Variants in IGBP1 observed in about 807,000 individuals in gnomAD.
IGBP1 encodes the protein immunoglobulin binding protein 1, also known as immunoglobulin-binding protein 1.
Under a neutral mutation model 25.9 loss-of-function variants are expected in IGBP1, and 2 were observed. The observed-to-expected ratio is 0.08, with a 90% CI of 0.03 to 0.24. The LOEUF is 0.24. IGBP1 is among the 10% of genes least tolerant of loss of function. The probability of loss-of-function intolerance (pLI) is 1.00; values close to 1 mark genes in which losing one functional copy is unlikely to be tolerated. For synonymous variants in IGBP1, 96 were observed against 93.4 expected, an observed-to-expected ratio of 1.03 and a Z score of -0.16; for missense variants, 187 against 260.4, an observed-to-expected ratio of 0.72 and a Z score of 1.94.
intron 3 of IGBP1, among the ~76,000 whole-genome samples, chrX:70,137,751 C>CAA (rs752550128): frequency 2.2e-3 from 47 of 21,657 alleles, no homozygotes; most frequent in African/African-American, 4.0e-3. Context: ...AATAATTATA[C>CAA]AAAAAAAAAA....
chrX:70,138,783 A>G (rs1364563058), intron 3 of IGBP1, among the ~76,000 whole-genome samples: 1 of 111,949 alleles, frequency 8.9e-6, no homozygotes, highest in Non-Finnish European at 1.9e-5. Context: ...TAGTTGTACC[A>G]TAATTATTTA....
chrX:70,134,180 T>C (rs1216431033), intron 2 of IGBP1, 45 bp downstream of exon 2: 2 of 1,145,952 alleles, frequency 1.7e-6, no homozygotes, highest in Non-Finnish European at 1.2e-6. Context: ...AAGGTAATAA[T>C]GGTTACCAAG....
intron 6 of IGBP1, among the ~76,000 whole-genome samples, chrX:70,154,415 G>A (rs1027917255): frequency 9.2e-6 from 1 of 108,423 alleles, no homozygotes; most frequent in Non-Finnish European, 1.9e-5. Context: ...GGAAGTTAAA[G>A]ATGAACATTG....
intron 6 of IGBP1, among the ~76,000 whole-genome samples, chrX:70,156,682 G>A (rs372946284): frequency 9.8e-5 from 11 of 112,444 alleles, no homozygotes; most frequent in African/African-American, 3.5e-4. Context: ...GCTCACGCCT[G>A]TAATCCTAGC....
At position 70,146,728 on chromosome X, in the gene IGBP1, A is replaced by G. The variant is rs1340513125; in HGVS notation, c.578A>G (p.Tyr193Cys). Residue 193 changes from tyrosine (Y) to cysteine (C), a missense_variant, in exon 4 of 7, where the codon TAT (tyrosine) becomes TGT (cysteine). By Grantham distance (194) the Tyr-to-Cys change is radical. Transcript: ENST00000356413. The stretch of plus-strand genomic sequence containing the variant: ...GATGATGAGCGTGTTCGTGAATATT[A>G]TCTTCTTCACCTTCAGAGGTGGATT... The part of the protein sequence containing the change: ...QADDERVREY[Y>C]LLHLQRWIDI... The G allele has an allele frequency of 1.2e-5, 15 of 1,202,234 alleles. No homozygotes were observed. The highest frequency in any genetic ancestry group is 1.7e-5 in the Non-Finnish European group (15 of 889,510).
chrX:70,140,708 C>T (rs906611298), intron 3 of IGBP1, among the ~76,000 whole-genome samples: 1 of 111,695 alleles, frequency 9.0e-6, no homozygotes, highest in Non-Finnish European at 1.9e-5. Flanking sequence ...TCCTCTATTT[C>T]CCATATTTGA....
At chrX:70,148,503 G>A (rs2085181418) in intron 4 of IGBP1, 4 of 349,735 alleles carry the variant, frequency 1.1e-5, no homozygotes, top group East Asian at 5.4e-5. Flanking sequence ...TTTTAAAGCC[G>A]AGTAATTTTT....
intron 6 of IGBP1, among the ~76,000 whole-genome samples, chrX:70,156,038 C>T (rs751004729): frequency 5.4e-5 from 6 of 111,490 alleles, no homozygotes; most frequent in Non-Finnish European, 7.5e-5. Flanking sequence ...GTCAGTGGAG[C>T]AGTCAGAACA....
chrX:70,165,369 T>G (rs988626220), intron 6 of IGBP1, among the ~76,000 whole-genome samples: 1 of 111,521 alleles, frequency 9.0e-6, no homozygotes, highest in Non-Finnish European at 1.9e-5. Context: ...TATGTATGAC[T>G]ATAGTAAAGG....
intron 4 of IGBP1, among the ~76,000 whole-genome samples, chrX:70,147,236 C>T (rs2085172431): frequency 9.0e-6 from 1 of 110,815 alleles, no homozygotes; most frequent in Non-Finnish European, 1.9e-5. Flanking sequence ...GAGTTTGAGA[C>T]CAGCCTGGCC....
chrX:70,140,509 A>C (rs1481764550), intron 3 of IGBP1, among the ~76,000 whole-genome samples: 1 of 112,413 alleles, frequency 8.9e-6, no homozygotes, highest in Non-Finnish European at 1.9e-5. Context: ...GAAGTGATAA[A>C]AAATGAAGTT....
intron 6 of IGBP1, among the ~76,000 whole-genome samples, chrX:70,156,261 A>G (rs1488851479): frequency 1.9e-5 from 2 of 104,201 alleles, no homozygotes; most frequent in African/African-American, 7.1e-5. Context: ...TGCTCGCTGC[A>G]GGGTTGCCAC....
rs1313926614 is a variant in IGBP1 at position 70,146,782 on chromosome X, T to C, written c.632T>C (p.Ile211Thr). The change falls in exon 4 of 7, where the codon ATT (isoleucine) becomes ACT (threonine). Residue 211 changes from isoleucine (I) to threonine (T), a missense_variant. Coordinates refer to ENST00000356413, the MANE Select transcript of IGBP1 (RefSeq NM_001551.3). The stretch of plus-strand genomic sequence containing the variant: ...ATCAGCTTAGAAGAGATTGAGAGCA[T>C]TGACCAGGAAATAAAGATCCTGAGA... Reference protein sequence around the residue: ...IDISLEEIESIDQEIKILRER... With the variant: ...IDISLEEIESTDQEIKILRER... 2 of 1,208,348 alleles carry C rather than the reference T, an allele frequency of 1.7e-6. No individual in the cohort carries two copies. Among genetic ancestry groups the C allele is most frequent in the Non-Finnish European group, 2.2e-6 (2 of 892,878 alleles).
At chrX:70,141,530 A>G (rs1206589616) in intron 3 of IGBP1, among the ~76,000 whole-genome samples, 1 of 111,548 alleles carries the variant, frequency 9.0e-6, no homozygotes, top group African/African-American at 3.3e-5. Context: ...AAACTCCTCA[A>G]GGTCAGAGAC....
chrX:70,141,921 G>A (rs1175805245), intron 3 of IGBP1, among the ~76,000 whole-genome samples: 1 of 110,984 alleles, frequency 9.0e-6, no homozygotes, highest in African/African-American at 3.3e-5. Context: ...AAAAAAAAGG[G>A]GGGGGGCTCT....
At chrX:70,142,571 C>A (rs2085137332) in intron 3 of IGBP1, among the ~76,000 whole-genome samples, 1 of 110,518 alleles carries the variant, frequency 9.0e-6, no homozygotes, top group Non-Finnish European at 1.9e-5. Flanking sequence ...TTAATCGCAG[C>A]ACTTTGGGAG....
intron 6 of IGBP1, among the ~76,000 whole-genome samples, chrX:70,152,764 C>T (rs760733053): frequency 2.3e-4 from 26 of 111,251 alleles, no homozygotes; most frequent in East Asian, 1.7e-3. Flanking sequence ...AAGAGCCTGT[C>T]GGTTAACTTG....
intron 4 of IGBP1, 138 bp downstream of exon 4, chrX:70,146,966 C>G (rs1273984696): frequency 1.0e-5 from 5 of 501,633 alleles, no homozygotes; most frequent in Non-Finnish European, 1.7e-5. Flanking sequence ...ACTAAGGTAG[C>G]TTTCTCTTTA....
At chrX:70,148,733 C>T (rs2085182872) in intron 4 of IGBP1, 28 bp from the exon 5 acceptor site, 2 of 1,078,394 alleles carry the variant, frequency 1.9e-6, no homozygotes, top group African/African-American at 1.8e-5. Context: ...ATGGCAAATT[C>T]ACCTCTCATA....
Sources: allele counts gnomAD v4.1 joint callset (sites outside exome capture counted in the v4.1 genomes callset), GRCh38; gene constraint gnomAD v4.1.1; transcripts MANE v1.5; gene names NCBI Gene and HGNC (gene_info 2026-07-23, HGNC 2026-07-21).